Variants in PDE4DIP observed in about 807,000 individuals in gnomAD.
PDE4DIP encodes the protein myomegalin.
In PDE4DIP, 59 loss-of-function variants were observed where a neutral mutation model predicts 221.4. That is an observed-to-expected ratio of 0.27 (90% CI 0.22 to 0.33). The LOEUF (loss-of-function observed/expected upper bound fraction) is 0.33. Ranked by LOEUF, PDE4DIP falls within the 10% of genes least tolerant of loss-of-function variation. The pLI is 1.00. For missense variants in PDE4DIP, 1,036 were observed against 2,154.2 expected (o/e 0.48, Z 10.28); for synonymous variants, 404 against 815.9 (o/e 0.50, Z 8.60).
Position 149,001,576 on chromosome 1 carries a change from G to A in PDE4DIP, c.3138-15G>A, listed in dbSNP as rs782656438. ...AGGACCAGACCTAGCCCTCAATTAAGTGTGTTTCCTGCAGGAACACCATGC... is the reference window on the plus strand; with the variant it reads ...AGGACCAGACCTAGCCCTCAATTAAATGTGTTTCCTGCAGGAACACCATGC... On this transcript the variant is annotated splice_polypyrimidine_tract_variant and intron_variant, in intron 23 of 43. Coordinates refer to ENST00000369354, the Ensembl canonical transcript of PDE4DIP. 2.6e-6 allele frequency: 3 copies of A among 1,166,696 alleles called. No homozygotes were observed. The highest frequency in any genetic ancestry group is 2.3e-5 in the East Asian group (1 of 43,084). 72.3% of individuals were successfully genotyped at this position (1,166,696 alleles called of 1,614,324 possible).
intron 1 of PDE4DIP, among the ~76,000 whole-genome samples, chr1:148,859,795 T>TGC (rs1683278301): frequency 1.8e-5 from 1 of 54,896 alleles, no homozygotes; most frequent in Non-Finnish European, 3.9e-5. Flanking sequence ...TACCACTTTG[T>TGC]GTGTGTGTGT....
At chr1:148,934,457 T>A (rs587681392) in intron 4 of PDE4DIP, among the ~76,000 whole-genome samples, 1 of 152,234 alleles carries the variant, frequency 6.6e-6, no homozygotes, top group South Asian at 2.1e-4. Flanking sequence ...AGACTAAGGG[T>A]CAAAGAGATG....
chr1:148,933,924 T>G, intron 4 of PDE4DIP, among the ~76,000 whole-genome samples: 1 of 148,522 alleles, frequency 6.7e-6, no homozygotes, highest in South Asian at 2.2e-4. Flanking sequence ...GTACTTTATG[T>G]TCTTGTTTAA....
At chr1:148,975,911 A>G (rs2060084795) in intron 17 of PDE4DIP, among the ~76,000 whole-genome samples, 1 of 152,016 alleles carries the variant, frequency 6.6e-6, no homozygotes. Flanking sequence ...GAATTATCAT[A>G]TTTTATCTTT....
At chr1:149,017,695 A>G in intron 33 of PDE4DIP, 53 bp from the exon 37 acceptor site, 2 of 1,144,506 alleles carry the variant, frequency 1.7e-6, no homozygotes, top group East Asian at 2.7e-5. Flanking sequence ...CCCATCAGTA[A>G]CCAGGATTCT....
intron 20 of PDE4DIP, 82 bp from the exon 24 acceptor site, chr1:148,981,188 T>C (rs587752636): frequency 7.6e-7 from 1 of 1,320,086 alleles, no homozygotes; most frequent in Non-Finnish European, 1.1e-6. Context: ...CAAAGTGGTA[T>C]TGATGGTTCT....
At chr1:149,016,840 C>T (rs1345252899) in intron 33 of PDE4DIP, among the ~76,000 whole-genome samples, 3 of 152,302 alleles carry the variant, frequency 2.0e-5, no homozygotes, top group Non-Finnish European at 4.4e-5. Context: ...GCAGCCCACT[C>T]TCTTAGACCC....
chr1:149,029,128 A>G (rs587706706), intron 41 of PDE4DIP, among the ~76,000 whole-genome samples: 1 of 152,228 alleles, frequency 6.6e-6, no homozygotes, highest in Admixed American at 6.5e-5. Context: ...GAGCCTTTTT[A>G]GCCACTGCCT....
Position 149,028,569 on chromosome 1 carries a change from A to G in PDE4DIP, c.6679A>G (p.Ser2227Gly). Residue 2227 changes from serine to glycine, a missense_variant, in exon 41 of 44, where the codon AGC becomes GGC. Physicochemically the swap from Ser to Gly is moderately conservative, Grantham distance 56. Transcript: ENST00000369354. ...TGTTACCTTTCCCCAGGTGCTAGGC[A>G]GCAAAGGTATTCATGAGCTTCGGAG... 1.9e-6 allele frequency: 3 copies of G among 1,610,962 alleles called. No homozygotes were observed. The African/African-American group carries it at 4.0e-5, about 22-fold the overall frequency.
chr1:148,998,054 G>C (rs1192018212), intron 22 of PDE4DIP, 89 bp from the exon 26 acceptor site: 3 of 744,518 alleles, frequency 4.0e-6, no homozygotes, highest in Non-Finnish European at 4.5e-6. Flanking sequence ...GTTTGTTTTT[G>C]TTCTCATTTA....
At position 149,031,929 on chromosome 1, in the gene PDE4DIP, T is replaced by C. The variant is rs1553638420; in HGVS notation, c.7000-15T>C. 1 of 1,601,354 alleles carries C rather than the reference T, an allele frequency of 6.2e-7. No homozygotes were observed. Among genetic ancestry groups the C allele is most frequent in the East Asian group, 2.2e-5 (1 of 44,796 alleles). On this transcript the variant is annotated splice_polypyrimidine_tract_variant and intron_variant, in intron 43 of 43. Coordinates refer to ENST00000369354, the Ensembl canonical transcript of PDE4DIP. The stretch of plus-strand genomic sequence containing the variant: ...CAATATACACTGATTTGGTTTGTTT[T>C]ATGTTTGTCTGCAGGTGAAATCCCT...
At chr1:148,937,563 G>A (rs587690204) in intron 4 of PDE4DIP, among the ~76,000 whole-genome samples, 184 bp from the exon 8 acceptor site, 7 of 152,130 alleles carry the variant, frequency 4.6e-5, no homozygotes, top group Non-Finnish European at 8.8e-5. Flanking sequence ...AGTTGTTTGT[G>A]TATATATTTG....
At chr1:148,829,006 A>G (rs2149933743) in intron 1 of PDE4DIP, among the ~76,000 whole-genome samples, 1 of 136,676 alleles carries the variant, frequency 7.3e-6, no homozygotes, top group Admixed American at 7.4e-5. Context: ...CCAGTTGTCT[A>G]TTCCTGCATA....
At chr1:148,981,291 G>A (rs1255259002) in exon 21 of PDE4DIP, 21 of 1,613,672 alleles carry the variant, frequency 1.3e-5, no homozygotes, top group Non-Finnish European at 1.8e-5. Flanking sequence ...ACCGAACTCT[G>A]CAGGTGGAAC....
chr1:148,992,121 A>G (rs1326686710), intron 22 of PDE4DIP, 148 bp downstream of exon 25: 3 of 942,830 alleles, frequency 3.2e-6, no homozygotes, highest in African/African-American at 1.6e-5. Flanking sequence ...TTCTCCTTGA[A>G]CTTCCCAGCT....
At chr1:149,012,678 C>T (rs2068937287) in exon 32 of PDE4DIP, 2 of 1,613,840 alleles carry the variant, frequency 1.2e-6, no homozygotes, top group Non-Finnish European at 1.7e-6. Context: ...CCTTTCAGCC[C>T]CACTGGCCCT....
intron 1 of PDE4DIP, among the ~76,000 whole-genome samples, chr1:148,923,620 C>G (rs1368143398): frequency 6.9e-6 from 1 of 144,720 alleles, no homozygotes; most frequent in Admixed American, 6.8e-5. Flanking sequence ...ACTACAGGAG[C>G]CCGCCACCGC....
At position 148,980,072 on chromosome 1, in the gene PDE4DIP, C is replaced by T. The variant is rs782284486; in HGVS notation, c.2687+223C>T. 5.3e-5 allele frequency among the ~76,000 whole-genome samples: 8 copies of T among 152,226 alleles called. 1 individual carries two copies. The highest frequency in any genetic ancestry group is 1.0e-4 in the Non-Finnish European group (7 of 68,048). ...TAAGTTGGGATTAGTGCCTGTTTCA[C>T]ACAGCTATTGCAGAGATTAAATAAG... is the stretch of plus-strand genomic sequence containing the variant. On this transcript the variant is annotated intron_variant, in intron 20 of 43. Transcript: ENST00000369354.
chr1:148,884,876 G>A (rs2442642), upstream of PDE4DIP, among the ~76,000 whole-genome samples: 35,638 of 88,992 alleles, frequency 0.4, 6,946 homozygotes, highest in East Asian at 0.76. Flanking sequence ...GTCTGTTAGA[G>A]TAATTTATTT....
Sources: allele counts gnomAD v4.1 joint callset (sites outside exome capture counted in the v4.1 genomes callset), GRCh38; gene constraint gnomAD v4.1.1; transcripts MANE v1.5; gene names NCBI Gene and HGNC (gene_info 2026-07-23, HGNC 2026-07-21).